TM9SF4: variants seen among roughly 807,000 people sequenced by gnomAD.
The protein encoded by TM9SF4 is dinucleotide oxidase disulfide thiol exchanger 3 superfamily member 4.
In TM9SF4, 26 loss-of-function variants were observed where a neutral mutation model predicts 90.4. The ratio of observed to expected loss-of-function variants is 0.29; its 90% CI spans 0.21 to 0.40. The LOEUF is 0.40. Ranked by LOEUF, TM9SF4 falls within the 10% of genes least tolerant of loss-of-function variation. TM9SF4 has a pLI of 1.00. For missense variants in TM9SF4, 549 were observed against 834.8 expected (o/e 0.66, Z 4.22); for synonymous variants, 293 against 315.4 (o/e 0.93, Z 0.75).
intron 12 of TM9SF4, among the ~76,000 whole-genome samples, chr20:32,154,642 G>A (rs529977793): frequency 6.6e-4 from 101 of 151,880 alleles, no homozygotes; most frequent in Non-Finnish European, 1.2e-3. Flanking sequence ...TAGTAGAGAC[G>A]GAGTTTCGCC....
At position 32,149,751 on chromosome 20, in the gene TM9SF4, A is replaced by G. The variant is rs1179609643; in HGVS notation, c.1072A>G (p.Ile358Val). The change falls in exon 10 of 18, where the codon ATC (isoleucine) becomes GTC (valine). Residue 358 changes from isoleucine (I) to valine (V), a missense_variant. Physicochemically the swap from Ile to Val is conservative, Grantham distance 29. Transcript: ENST00000398022. Reference sequence around the variant, plus strand: ...CTCAGGCATTCAGCTGTTCTGTATGATCCTCATCGTCATCTGTGAGTGTGC... The same window carrying G: ...CTCAGGCATTCAGCTGTTCTGTATGGTCCTCATCGTCATCTGTGAGTGTGC... The part of the protein sequence containing the change: ...LGSGIQLFCM[I>V]LIVIFVAMLG... 6.2e-7 allele frequency: 1 copy of G among 1,614,012 alleles called. No homozygotes were observed. Among genetic ancestry groups the G allele is most frequent in the African/African-American group, 1.3e-5 (1 of 74,934 alleles).
At chr20:32,112,618 C>T (rs1323954733) in intron 1 of TM9SF4, among the ~76,000 whole-genome samples, 1 of 148,894 alleles carries the variant, frequency 6.7e-6, no homozygotes. Flanking sequence ...CGCTTGAACC[C>T]GGGAGGCGGA....
intron 6 of TM9SF4, among the ~76,000 whole-genome samples, chr20:32,143,476 A>G (rs1180612469): frequency 6.6e-6 from 1 of 152,184 alleles, no homozygotes; most frequent in Non-Finnish European, 1.5e-5. Context: ...GTTGAGAACA[A>G]GGGGCCAGGG....
chr20:32,164,824 C>T (rs562492174), intron 17 of TM9SF4, among the ~76,000 whole-genome samples: 52 of 152,162 alleles, frequency 3.4e-4, no homozygotes, highest in Non-Finnish European at 6.8e-4. Flanking sequence ...CAAAATGCTC[C>T]AAGATCAAAA....
intron 13 of TM9SF4, 82 bp from the exon 14 acceptor site, chr20:32,157,712 C>T: frequency 6.5e-7 from 1 of 1,540,538 alleles, no homozygotes; most frequent in Non-Finnish European, 8.8e-7. Flanking sequence ...TTCTGTGGAG[C>T]CCAGAAGGTC....
intron 1 of TM9SF4, among the ~76,000 whole-genome samples, chr20:32,121,953 G>A (rs1415354217): frequency 1.2e-4 from 17 of 146,744 alleles, no homozygotes; most frequent in Admixed American, 8.0e-4. Flanking sequence ...GCTCCCTCCC[G>A]GACGGGGCGG....
Position 32,150,607 on chromosome 20 carries a change from T to TC in TM9SF4, c.1088-12dup. 1 of 1,613,938 alleles carries TC rather than the reference T, an allele frequency of 6.2e-7. No homozygotes were observed. The highest frequency in any genetic ancestry group is 2.2e-5 in the East Asian group (1 of 44,874). On this transcript the variant is annotated splice_polypyrimidine_tract_variant and intron_variant, in intron 10 of 17. Coordinates refer to ENST00000398022, the MANE Select transcript of TM9SF4 (RefSeq NM_014742.4). ...CCTGCCTTTCTCTGCCCTTCCTCCC[T>TC]CCCTCCCTCCACAGTTGTAGCCATG...
intron 17 of TM9SF4, among the ~76,000 whole-genome samples, chr20:32,164,560 A>C (rs1162563479): frequency 4.6e-5 from 7 of 152,142 alleles, no homozygotes; most frequent in African/African-American, 1.7e-4. Context: ...GCCTGAAAAC[A>C]TGGCCTTCAC....
intron 1 of TM9SF4, among the ~76,000 whole-genome samples, chr20:32,122,258 ACCCCCCACC>A (rs2046329138): frequency 4.4e-5 from 1 of 22,744 alleles, no homozygotes; most frequent in Admixed American, 5.7e-4. Context: ...CGGGGGGCTG[ACCCCCCACC>A]TCCCTCCCGG....
intron 2 of TM9SF4, among the ~76,000 whole-genome samples, chr20:32,133,920 C>T (rs2046557561): frequency 6.6e-6 from 1 of 152,038 alleles, no homozygotes; most frequent in South Asian, 2.1e-4. Context: ...GATCCTTCTG[C>T]CTCAGCCTCC....
At chr20:32,126,757 CG>C (rs2046428912) in intron 1 of TM9SF4, among the ~76,000 whole-genome samples, 1 of 149,034 alleles carries the variant, frequency 6.7e-6, no homozygotes, top group South Asian at 2.1e-4. Context: ...TTTCCTGAGA[CG>C]AAGTCTCGCT....
intron 17 of TM9SF4, among the ~76,000 whole-genome samples, chr20:32,163,430 A>G (rs2047056196): frequency 1.3e-5 from 2 of 151,092 alleles, no homozygotes; most frequent in Admixed American, 1.3e-4. Context: ...GCAGCCCTAG[A>G]GTCTACTCTT....
At position 32,157,870 on chromosome 20, in the gene TM9SF4, ACTT is replaced by A; in HGVS notation, c.1408_1410del (p.Phe470del). 1 of 1,614,092 alleles carries A rather than the reference ACTT, an allele frequency of 6.2e-7. No homozygotes were observed. Among genetic ancestry groups the A allele is most frequent in the Non-Finnish European group, 8.5e-7 (1 of 1,180,008 alleles). On this transcript the variant is annotated inframe_deletion, in exon 14 of 18. Transcript: ENST00000398022. ...CTGCCCCTCGTCTACTTGGGCTACT[ACTT>A]CGGCTTCCGAAAGCAGCCATATGAC...
intron 13 of TM9SF4, among the ~76,000 whole-genome samples, chr20:32,156,963 G>A (rs376846986): frequency 0.014 from 459 of 33,060 alleles, 4 homozygotes; most frequent in African/African-American, 0.13. Context: ...TTTTTGAGAC[G>A]AAGTCTCACT....
Position 32,149,696 on chromosome 20 carries a change from G to A in TM9SF4, c.1017G>A (p.Gln339=). ...ACGGCGACGTCTTCAGGCCCCCCCA[G>A]TACCCCATGATCCTCAGCTCCCTGC... is the stretch of plus-strand genomic sequence containing the variant. The part of the protein sequence containing the change: ...LVHGDVFRPP[Q]YPMILSSLLG... Residue 339 remains glutamine (Q), a synonymous_variant, in exon 10 of 18, where the codon CAG becomes CAA. Coordinates refer to ENST00000398022, the MANE Select transcript of TM9SF4 (RefSeq NM_014742.4). 6.2e-7 allele frequency: 1 copy of A among 1,614,224 alleles called. No individual in the cohort carries two copies. Among genetic ancestry groups the A allele is most frequent in the Non-Finnish European group, 8.5e-7 (1 of 1,180,046 alleles).
At chr20:32,149,794 G>T (rs1460645617) in intron 10 of TM9SF4, 28 bp downstream of exon 10, 11 of 1,611,660 alleles carry the variant, frequency 6.8e-6, no homozygotes, top group Non-Finnish European at 9.3e-6. Flanking sequence ...GGCCGGGCAT[G>T]GGGGCATGGC....
chr20:32,152,224 G>A (rs1450345540), intron 12 of TM9SF4, among the ~76,000 whole-genome samples: 1 of 151,886 alleles, frequency 6.6e-6, no homozygotes, highest in African/African-American at 2.4e-5. Context: ...CATATGCCAA[G>A]AGCCAGGGAT....
chr20:32,119,303 A>G (rs1181818748), intron 1 of TM9SF4, among the ~76,000 whole-genome samples: 1 of 152,006 alleles, frequency 6.6e-6, no homozygotes, highest in African/African-American at 2.4e-5. Flanking sequence ...TATTAAAAAT[A>G]CAAAAATTAG....
chr20:32,147,727 C>T (rs2046783655), intron 9 of TM9SF4, among the ~76,000 whole-genome samples: 1 of 151,952 alleles, frequency 6.6e-6, no homozygotes, highest in Non-Finnish European at 1.5e-5. Context: ...GTGGCATGCA[C>T]CTGCAATCCC....
Sources: allele counts gnomAD v4.1 joint callset (sites outside exome capture counted in the v4.1 genomes callset), GRCh38; gene constraint gnomAD v4.1.1; transcripts MANE v1.5; gene names NCBI Gene and HGNC (gene_info 2026-07-23, HGNC 2026-07-21).